The following MYO1B variants were observed in gnomAD, a reference collection of about 807,000 sequenced individuals.
MYO1B encodes the protein unconventional myosin-Ib.
In MYO1B, 72 loss-of-function variants were observed where a neutral mutation model predicts 159.7. The observed-to-expected ratio is 0.45, with a 90% CI of 0.37 to 0.55. The LOEUF is 0.55. Ranked by LOEUF, MYO1B falls within the 20% of genes least tolerant of loss-of-function variation. MYO1B has a pLI of 0.00. For synonymous variants in MYO1B, 468 were observed against 473.8 expected (o/e 0.99, Z 0.16); for missense variants, 1,062 against 1,364.8 (o/e 0.78, Z 3.50).
In MYO1B at chr2:191,424,032, G is replaced by T; in HGVS notation, c.*72G>T. On this transcript the variant is annotated 3_prime_UTR_variant, in exon 31 of 31. Coordinates refer to ENST00000392318, the MANE Select transcript of MYO1B (RefSeq NM_001130158.3). ...GCAATTTGGTTTTGTTTTATTTGGG[G>T]TTCATTGTATGTTTGGGAATCACCA... 3.3e-6 allele frequency: 5 copies of T among 1,513,656 alleles called. No individual in the cohort carries two copies. In the South Asian group the frequency reaches 6.7e-5, roughly 20 times the overall value. 93.8% of individuals were successfully genotyped at this position (1,513,656 alleles called of 1,614,324 possible).
intron 21 of MYO1B, among the ~76,000 whole-genome samples, chr2:191,398,426 C>CG (rs746803229): frequency 1.8e-5 from 2 of 112,974 alleles, no homozygotes; most frequent in South Asian, 2.5e-4. Flanking sequence ...GGGGCTGACC[C>CG]CCCCCCACCT....
rs1692197639 is a variant in MYO1B at position 191,341,146 on chromosome 2, A to G, written c.347-315A>G. ...CAAGTTATTTGTGGCTTATCAGTATATAATATAATAATTATATATAAATGA... is the reference window on the plus strand; with the variant it reads ...CAAGTTATTTGTGGCTTATCAGTATGTAATATAATAATTATATATAAATGA... On this transcript the variant is annotated intron_variant, in intron 4 of 30. Transcript: ENST00000392318. Among the ~76,000 whole-genome samples the G allele has an allele frequency of 2.0e-5, 3 of 152,148 alleles. No individual in the cohort carries two copies. The South Asian group carries it at 6.2e-4, about 32-fold the overall frequency.
chr2:191,324,655 C>G (rs2125903815), intron 3 of MYO1B, among the ~76,000 whole-genome samples: 1 of 152,240 alleles, frequency 6.6e-6, no homozygotes, highest in South Asian at 2.1e-4. Context: ...TGCCCTGAAG[C>G]TTGGACTATT....
At chr2:191,394,533 A>G (rs1261862554) in intron 20 of MYO1B, among the ~76,000 whole-genome samples, 1 of 152,246 alleles carries the variant, frequency 6.6e-6, no homozygotes, top group Non-Finnish European at 1.5e-5. Flanking sequence ...GACTTCCTAA[A>G]GTTTATATCT....
intron 1 of MYO1B, among the ~76,000 whole-genome samples, chr2:191,276,618 GC>G (rs2125740928): frequency 6.6e-6 from 1 of 152,244 alleles, no homozygotes; most frequent in African/African-American, 2.4e-5. Flanking sequence ...GAAGACCATG[GC>G]TTTCTAGTGG....
chr2:191,344,582 G>A (rs1003453302), intron 5 of MYO1B, among the ~76,000 whole-genome samples: 6 of 152,088 alleles, frequency 3.9e-5, no homozygotes, highest in Admixed American at 2.6e-4. Context: ...TGTAATCCCA[G>A]CACTTTGGGA....
intron 30 of MYO1B, among the ~76,000 whole-genome samples, chr2:191,421,600 C>T (rs753602050): frequency 6.6e-6 from 1 of 152,068 alleles, no homozygotes; most frequent in Non-Finnish European, 1.5e-5. Flanking sequence ...CTCAGCTTCC[C>T]GAGTAGCTGG....
intron 7 of MYO1B, among the ~76,000 whole-genome samples, chr2:191,355,277 G>C (rs984632737): frequency 6.6e-6 from 1 of 152,216 alleles, no homozygotes; most frequent in Non-Finnish European, 1.5e-5. Flanking sequence ...AGCCAAGCTG[G>C]CTCAGGCCAG....
chr2:191,339,066 C>G (rs992764281), intron 4 of MYO1B, among the ~76,000 whole-genome samples: 5 of 152,176 alleles, frequency 3.3e-5, no homozygotes, highest in Admixed American at 2.6e-4. Context: ...ACTGAGAAAG[C>G]AGAAACATGA....
At chr2:191,389,156 CTTTA>C (rs961068735) in intron 17 of MYO1B, among the ~76,000 whole-genome samples, 10 of 152,090 alleles carry the variant, frequency 6.6e-5, no homozygotes, top group Non-Finnish European at 1.5e-4. Flanking sequence ...ATTTGTCCAT[CTTTA>C]TTTAAGCCAA....
chr2:191,286,414 C>T (rs762045234), intron 2 of MYO1B, among the ~76,000 whole-genome samples: 2 of 151,792 alleles, frequency 1.3e-5, no homozygotes, highest in Non-Finnish European at 2.9e-5. Context: ...TTAAAAACAC[C>T]GTGGCATATG....
chr2:191,386,504 T>C (rs1695406064), intron 16 of MYO1B, among the ~76,000 whole-genome samples: 1 of 57,198 alleles, frequency 1.7e-5, no homozygotes, highest in Admixed American at 1.8e-4. Context: ...AGGGAAAATA[T>C]TTACTTTTTT....
At chr2:191,372,149 G>C (rs1029952237) in intron 13 of MYO1B, among the ~76,000 whole-genome samples, 3 of 137,428 alleles carry the variant, frequency 2.2e-5, no homozygotes, top group Non-Finnish European at 4.4e-5. Flanking sequence ...GAGCAGGGGA[G>C]ATGGGTAAGC....
chr2:191,263,345 G>A (rs1686938471), intron 1 of MYO1B: 2 of 984,928 alleles, frequency 2.0e-6, no homozygotes. Flanking sequence ...GAAGGCTAAA[G>A]TGCTAGTTAA....
intron 3 of MYO1B, among the ~76,000 whole-genome samples, chr2:191,322,585 T>C (rs543565078): frequency 6.6e-6 from 1 of 152,122 alleles, no homozygotes; most frequent in South Asian, 2.1e-4. Flanking sequence ...CTAGAAAAAA[T>C]TTTGGGGTGT....
At chr2:191,410,505 GGA>G (rs918417398) in intron 26 of MYO1B, among the ~76,000 whole-genome samples, 2 of 152,134 alleles carry the variant, frequency 1.3e-5, no homozygotes, top group Non-Finnish European at 2.9e-5. Context: ...GGTAGTGGGG[GGA>G]TTTGGAGCAG....
intron 3 of MYO1B, among the ~76,000 whole-genome samples, chr2:191,299,665 G>T (rs759970781): frequency 2.4e-4 from 36 of 152,164 alleles, no homozygotes; most frequent in Non-Finnish European, 1.0e-4. Context: ...TTTGATGAGG[G>T]TTCAGTAAAA....
At chr2:191,253,776 G>C (rs1315224310) in intron 1 of MYO1B, among the ~76,000 whole-genome samples, 2 of 151,984 alleles carry the variant, frequency 1.3e-5, no homozygotes, top group Non-Finnish European at 2.9e-5. Flanking sequence ...TTGCTTGTGG[G>C]GCTTTTTTCT....
At position 191,364,189 on chromosome 2, in the gene MYO1B, T is replaced by G. The variant is rs774370530; in HGVS notation, c.945T>G (p.Ile315Met). The part of the protein sequence containing the change: ...ELKEICELTG[I>M]DQSVLERAFS... ...AAGAAATTTGTGAATTGACCGGCAT[T>G]GATCAATCAGTTCTAGAACGAGCAT... Residue 315 changes from isoleucine to methionine, a missense_variant, in exon 11 of 31, where the codon ATT becomes ATG. Around this residue, in one of 5 missense-constraint regions of MYO1B, gnomAD observed 415 missense variants for 544.0 expected, o/e 0.76. Transcript: ENST00000392318. The G allele has an allele frequency of 3.1e-6, 5 of 1,613,832 alleles. No homozygotes were observed. The highest frequency in any genetic ancestry group is 4.2e-6 in the Non-Finnish European group (5 of 1,179,866).
Sources: allele counts gnomAD v4.1 joint callset (sites outside exome capture counted in the v4.1 genomes callset), GRCh38; gene constraint gnomAD v4.1.1; regional missense constraint gnomAD v4.1.1; transcripts MANE v1.5; gene names NCBI Gene and HGNC (gene_info 2026-07-23, HGNC 2026-07-21).